The following ARHGAP42 variants were observed in gnomAD, a reference collection of about 807,000 sequenced individuals.
The protein encoded by ARHGAP42 is Rho GTPase activating protein 42, also known as rho GTPase-activating protein 42.
In ARHGAP42, 63 loss-of-function variants were observed where a neutral mutation model predicts 125.0. The ratio of observed to expected loss-of-function variants is 0.50; its 90% CI spans 0.41 to 0.62. The LOEUF (loss-of-function observed/expected upper bound fraction) is 0.62. ARHGAP42 is among the 20% of genes least tolerant of loss of function. The probability of loss-of-function intolerance (pLI) is 0.00; values close to 1 mark genes in which losing one functional copy is unlikely to be tolerated. For missense variants in ARHGAP42, 766 were observed against 1,024.2 expected, an observed-to-expected ratio of 0.75 and a Z score of 3.44; for synonymous variants, 339 against 351.0, an observed-to-expected ratio of 0.97 and a Z score of 0.38.
At chr11:100,803,314 C>A (rs1243758514) in intron 3 of ARHGAP42, among the ~76,000 whole-genome samples, 1 of 151,888 alleles carries the variant, frequency 6.6e-6, no homozygotes, top group Non-Finnish European at 1.5e-5. Flanking sequence ...AGGGGAGGAG[C>A]TGGGGCTGGA....
At chr11:100,909,059 G>A (rs952544749) in intron 4 of ARHGAP42, among the ~76,000 whole-genome samples, 1 of 151,966 alleles carries the variant, frequency 6.6e-6, no homozygotes, top group Non-Finnish European at 1.5e-5. Flanking sequence ...CATATCCTCT[G>A]CCTACTTTTT....
intron 1 of ARHGAP42, among the ~76,000 whole-genome samples, chr11:100,758,572 C>G (rs1231214253): frequency 6.6e-6 from 1 of 151,888 alleles, no homozygotes; most frequent in Non-Finnish European, 1.5e-5. Flanking sequence ...CTTTTTAGGT[C>G]CAGAGAAATA....
At chr11:100,811,155 C>T (rs1281097018) in intron 3 of ARHGAP42, among the ~76,000 whole-genome samples, 1 of 152,112 alleles carries the variant, frequency 6.6e-6, no homozygotes, top group East Asian at 1.9e-4. Context: ...GGGGTTTGAC[C>T]ATGTTGGCCA....
intron 1 of ARHGAP42, among the ~76,000 whole-genome samples, chr11:100,707,389 T>C (rs1308257440): frequency 6.6e-6 from 1 of 152,190 alleles, no homozygotes; most frequent in African/African-American, 2.4e-5. Context: ...AAGAGCCAAG[T>C]ATATATTTAA....
intron 2 of ARHGAP42, among the ~76,000 whole-genome samples, chr11:100,777,197 T>C (rs1863150819): frequency 6.6e-6 from 1 of 152,184 alleles, no homozygotes; most frequent in South Asian, 2.1e-4. Context: ...GTATAGCAGG[T>C]TAAAATAGTG....
In ARHGAP42 at chr11:100,992,985, C is replaced by CT; in HGVS notation, c.*4185dup. ...TGGAGAAATGGAGTCTGTGTGCTTA[C>CT]TGAAGAGTCCCAAAAACCAGAGACC... On this transcript the variant is annotated 3_prime_UTR_variant, in exon 24 of 24. Coordinates refer to ENST00000298815, the MANE Select transcript of ARHGAP42 (RefSeq NM_152432.4). 3.0e-6 allele frequency: 1 copy of CT among 332,420 alleles called. No individual in the cohort carries two copies. Among genetic ancestry groups the CT allele is most frequent in the Non-Finnish European group, 5.7e-6 (1 of 174,044 alleles). The allele number at this position is 332,420 out of a possible 1,614,324, so 20.6% of individuals were successfully genotyped here.
At chr11:100,872,584 G>C (rs938264997) in intron 4 of ARHGAP42, among the ~76,000 whole-genome samples, 1 of 152,056 alleles carries the variant, frequency 6.6e-6, no homozygotes, top group Non-Finnish European at 1.5e-5. Context: ...GTAGAGACGG[G>C]GTTTCACCAT....
chr11:100,988,055 G>A (rs1474169904), intron 23 of ARHGAP42, among the ~76,000 whole-genome samples: 1 of 152,140 alleles, frequency 6.6e-6, no homozygotes. Context: ...TTGAACCAGG[G>A]AGGCGGAGGT....
rs148984521 is a variant in ARHGAP42, at chr11:100,987,372, G to T, written c.2457-141G>T. ...GATTGTGTTCAGTGCAAAAAGCACC[G>T]ATGTACACTCATATATGCACTTTAT... On this transcript the variant is annotated intron_variant, in intron 22 of 23. Coordinates refer to ENST00000298815, the MANE Select transcript of ARHGAP42 (RefSeq NM_152432.4). The T allele has an allele frequency of 2.4e-4, 161 of 660,012 alleles. 1 individual carries two copies. The highest frequency in any genetic ancestry group is 2.3e-3 in the African/African-American group (129 of 55,130). The allele number at this position is 660,012 out of a possible 1,614,324, so 40.9% of individuals were successfully genotyped here.
chr11:100,825,184 C>A (rs1864486137), intron 3 of ARHGAP42, among the ~76,000 whole-genome samples: 1 of 152,122 alleles, frequency 6.6e-6, no homozygotes. Context: ...ACTACCCATT[C>A]TTGTTTAATA....
At chr11:100,961,494 A>T (rs1445971679) in intron 14 of ARHGAP42, among the ~76,000 whole-genome samples, 190 bp from the exon 15 acceptor site, 2 of 152,292 alleles carry the variant, frequency 1.3e-5, no homozygotes, top group East Asian at 3.9e-4. Flanking sequence ...ATTTCATAAG[A>T]TATATCTTTG....
At chr11:100,765,135 T>G (rs1332389425) in intron 1 of ARHGAP42, among the ~76,000 whole-genome samples, 1 of 152,158 alleles carries the variant, frequency 6.6e-6, no homozygotes, top group African/African-American at 2.4e-5. Context: ...CAATAACCAG[T>G]ACCTTAGCTT....
chr11:100,790,714 T>C (rs1406237045), intron 2 of ARHGAP42, among the ~76,000 whole-genome samples: 1 of 152,204 alleles, frequency 6.6e-6, no homozygotes, highest in African/African-American at 2.4e-5. Flanking sequence ...TCAATGGTCA[T>C]CTATTTTCAG....
rs376187613 is a variant in ARHGAP42, at chr11:100,917,765, T to C, written c.487-3729T>C. ...TTTTGTATTTTTAGTGGAGACAGGG[T>C]TTCACTATGTTGGCCAGGCTGGTCT... On this transcript the variant is annotated intron_variant, in intron 5 of 23. Transcript: ENST00000298815. Among the ~76,000 whole-genome samples the C allele has an allele frequency of 3.9e-5, 6 of 152,222 alleles. No individual in the cohort carries two copies. The East Asian group carries it at 1.2e-3, about 29-fold the overall frequency.
In ARHGAP42 at chr11:100,924,624, G is replaced by A. The variant is rs117607001; in HGVS notation, c.597+3020G>A. 4.0e-5 allele frequency among the ~76,000 whole-genome samples: 6 copies of A among 151,896 alleles called. No homozygotes were observed. The East Asian group carries it at 9.7e-4, about 25-fold the overall frequency. On this transcript the variant is annotated intron_variant, in intron 6 of 23. Transcript: ENST00000298815. ...GGAGGTTGCAGTGATCCGAAATCGC[G>A]CCGCTGGACTCCAGCCTGGGCAACA... is the stretch of plus-strand genomic sequence containing the variant.
At chr11:100,752,461 G>A (rs979462295) in intron 1 of ARHGAP42, among the ~76,000 whole-genome samples, 2 of 152,170 alleles carry the variant, frequency 1.3e-5, no homozygotes, top group Non-Finnish European at 2.9e-5. Flanking sequence ...GGATTCTTTT[G>A]TACTACTGGC....
At chr11:100,945,242 A>T (rs1201683775) in intron 10 of ARHGAP42, among the ~76,000 whole-genome samples, 1 of 152,054 alleles carries the variant, frequency 6.6e-6, no homozygotes, top group African/African-American at 2.4e-5. Context: ...TCCACTTCTA[A>T]TTCTAGCTTT....
chr11:100,687,928 T>A, intron 1 of ARHGAP42, 96 bp downstream of exon 1: 1 of 1,355,060 alleles, frequency 7.4e-7, no homozygotes, highest in Non-Finnish European at 9.9e-7. Context: ...GAGCTTCTTT[T>A]GTTTGAATGG....
At position 100,959,791 on chromosome 11, in the gene ARHGAP42, G is replaced by A. The variant is rs562074989; in HGVS notation, c.1163-92G>A. 2.5e-4 allele frequency: 299 copies of A among 1,201,930 alleles called. 1 individual carries two copies. In the African/African-American group the frequency reaches 4.1e-3, roughly 16 times the overall value. 74.5% of individuals were successfully genotyped at this position (1,201,930 alleles called of 1,614,324 possible). A position where few individuals can be genotyped will look rare whatever the true frequency, so the allele number is the denominator to read the frequency against. On this transcript the variant is annotated intron_variant, in intron 12 of 23. Coordinates refer to ENST00000298815, the MANE Select transcript of ARHGAP42 (RefSeq NM_152432.4). The stretch of plus-strand genomic sequence containing the variant: ...AAGACTCAGAAAAAACCTCTCTACT[G>A]TTGAGTCATAAAGGCCCAGTGAACA...
Sources: gnomAD v4.1 joint callset for allele counts (sites outside exome capture counted in the v4.1 genomes callset) on GRCh38, gnomAD v4.1.1 for gene constraint, MANE v1.5 for transcripts, NCBI Gene and HGNC (gene_info 2026-07-23, HGNC 2026-07-21) for gene names.